The following RGS7 variants were observed in gnomAD, a reference collection of about 807,000 sequenced individuals.
RGS7 encodes the protein regulator of G protein signaling 7.
RGS7 carries 27 observed loss-of-function variants against 81.1 expected under a neutral mutation model. The ratio of observed to expected loss-of-function variants is 0.33; its 90% confidence interval spans 0.25 to 0.46. The LOEUF (loss-of-function observed/expected upper bound fraction) is 0.46. Ranked by LOEUF, RGS7 falls within the 20% of genes least tolerant of loss-of-function variation. The pLI is 1.00. For missense variants in RGS7, 396 were observed against 607.4 expected (o/e 0.65, Z 3.66); for synonymous variants, 208 against 207.7 (o/e 1.00, Z -0.01).
intron 2 of RGS7, among the ~76,000 whole-genome samples, chr1:241,223,115 C>A (rs1212341810): frequency 6.6e-6 from 1 of 152,042 alleles, no homozygotes; most frequent in Non-Finnish European, 1.5e-5. Flanking sequence ...AGCAGGAGAA[C>A]CTGCTATAGA....
At chr1:240,922,885 C>T (rs912348922) in intron 6 of RGS7, among the ~76,000 whole-genome samples, 1 of 151,972 alleles carries the variant, frequency 6.6e-6, no homozygotes, top group Admixed American at 6.6e-5. Context: ...AAACTTATGT[C>T]TTCAAAAAAA....
At chr1:241,041,661 C>A (rs2060624117) in intron 3 of RGS7, among the ~76,000 whole-genome samples, 1 of 152,182 alleles carries the variant, frequency 6.6e-6, no homozygotes, top group Non-Finnish European at 1.5e-5. Context: ...ATGAAGCCAT[C>A]AGGCATCAGA....
At chr1:241,340,910 A>G (rs1055295884) in intron 2 of RGS7, among the ~76,000 whole-genome samples, 2 of 152,210 alleles carry the variant, frequency 1.3e-5, no homozygotes, top group African/African-American at 4.8e-5. Flanking sequence ...CAAAAGGCAA[A>G]GAGGATATTT....
At chr1:240,793,286 C>T (rs189358393) in intron 18 of RGS7, among the ~76,000 whole-genome samples, 1 of 152,174 alleles carries the variant, frequency 6.6e-6, no homozygotes, top group African/African-American at 2.4e-5. Context: ...ATTGTCTGAA[C>T]TCAATTAGGC....
intron 15 of RGS7, 138 bp downstream of exon 15, chr1:240,806,002 T>C: frequency 1.3e-6 from 1 of 775,442 alleles, no homozygotes. Context: ...CCTTCCTAGA[T>C]CAGTTAGAGT....
intron 3 of RGS7, among the ~76,000 whole-genome samples, chr1:241,098,387 AT>A (rs1359825890): frequency 6.6e-6 from 1 of 152,052 alleles, no homozygotes; most frequent in African/African-American, 2.4e-5. Context: ...CCTTCATAAC[AT>A]TGTTTTTTAT....
chr1:240,844,622 A>T (rs1658723840), intron 9 of RGS7, among the ~76,000 whole-genome samples: 1 of 152,322 alleles, frequency 6.6e-6, no homozygotes, highest in Admixed American at 6.5e-5. Flanking sequence ...CTATTCAGGG[A>T]TAGAAAGAGC....
intron 2 of RGS7, among the ~76,000 whole-genome samples, chr1:241,220,944 AAG>A (rs2074863956): frequency 7.4e-6 from 1 of 135,628 alleles, no homozygotes; most frequent in Non-Finnish European, 1.6e-5. Flanking sequence ...GGAAGGAAGG[AAG>A]AAGCAAGGAA....
chr1:241,190,081 C>T (rs543217590), intron 2 of RGS7, among the ~76,000 whole-genome samples: 27 of 150,916 alleles, frequency 1.8e-4, no homozygotes, highest in East Asian at 1.2e-3. Context: ...CCAGCCTGGG[C>T]GACAGAGCAG....
At chr1:240,800,765 A>G (rs1687898197) in intron 17 of RGS7, 44 bp from the exon 18 acceptor site, 4 of 1,251,992 alleles carry the variant, frequency 3.2e-6, no homozygotes, top group Non-Finnish European at 4.5e-6. Context: ...GAGCTTACAC[A>G]ATGTCAGAAA....
intron 3 of RGS7, chr1:240,998,385 T>C: frequency 1.8e-6 from 1 of 553,426 alleles, no homozygotes; most frequent in Non-Finnish European, 3.2e-6. Context: ...TAAGCCATTA[T>C]TTCTTCAAGT....
intron 2 of RGS7, among the ~76,000 whole-genome samples, chr1:241,334,187 C>T (rs2082118977): frequency 6.6e-6 from 1 of 151,992 alleles, no homozygotes; most frequent in Non-Finnish European, 1.5e-5. Context: ...AGAGTAAAAG[C>T]TTTTTCACAA....
chr1:241,113,630 G>T (rs773032603), intron 2 of RGS7, among the ~76,000 whole-genome samples: 40 of 152,192 alleles, frequency 2.6e-4, no homozygotes, highest in Non-Finnish European at 5.7e-4. Context: ...TAAAGAACGT[G>T]GCCTTTGTTG....
chr1:241,292,495 T>A (rs1461653111), intron 2 of RGS7, among the ~76,000 whole-genome samples: 1 of 152,170 alleles, frequency 6.6e-6, no homozygotes, highest in African/African-American at 2.4e-5. Flanking sequence ...AGATCCCTGG[T>A]AGCAGTGGAG....
intron 3 of RGS7, among the ~76,000 whole-genome samples, chr1:241,030,521 C>T (rs2148726733): frequency 6.7e-6 from 1 of 149,922 alleles, no homozygotes; most frequent in African/African-American, 2.5e-5. Context: ...CACACACACA[C>T]ACATCCTTCT....
Position 241,078,941 on chromosome 1 carries a change from C to A in RGS7, c.175+19725G>T, listed in dbSNP as rs527779168. ...GTATGTACTCTTTCCACTACTCAGA[C>A]AGAGGAATACTTACATTTGAATGAG... On this transcript the variant is annotated intron_variant, in intron 3 of 18. Coordinates refer to ENST00000440928, the MANE Select transcript of RGS7 (RefSeq NM_001364886.1). Among the ~76,000 whole-genome samples the A allele has an allele frequency of 2.0e-5, 3 of 152,274 alleles. No individual in the cohort carries two copies. In the East Asian group the frequency reaches 5.8e-4, roughly 29 times the overall value.
intron 2 of RGS7, among the ~76,000 whole-genome samples, chr1:241,312,824 T>C (rs1035396022): frequency 2.0e-5 from 3 of 150,790 alleles, no homozygotes; most frequent in Admixed American, 6.7e-5. Flanking sequence ...GAGAGAGGCA[T>C]GTAGAAAGCT....
At chr1:241,336,858 T>C (rs1297892004) in intron 2 of RGS7, among the ~76,000 whole-genome samples, 2 of 152,182 alleles carry the variant, frequency 1.3e-5, no homozygotes, top group African/African-American at 2.4e-5. Context: ...GGCACCTTCA[T>C]ATGTGAAGAT....
chr1:240,789,345 T>C (rs1403561676), intron 18 of RGS7, among the ~76,000 whole-genome samples: 1 of 152,194 alleles, frequency 6.6e-6, no homozygotes, highest in Non-Finnish European at 1.5e-5. Context: ...CATGTGTGTT[T>C]GAACAATATG....
Sources: gnomAD v4.1 joint callset for allele counts (sites outside exome capture counted in the v4.1 genomes callset) on GRCh38, gnomAD v4.1.1 for gene constraint, MANE v1.5 for transcripts, NCBI Gene and HGNC (gene_info 2026-07-23, HGNC 2026-07-21) for gene names.